TTC28: variants seen among roughly 807,000 people sequenced by gnomAD.
TTC28 encodes the protein tetratricopeptide repeat domain 28, also known as tetratricopeptide repeat protein 28.
In TTC28, 61 loss-of-function variants were observed where a neutral mutation model predicts 198.0. The observed-to-expected ratio is 0.31, with a 90% CI of 0.25 to 0.38. The LOEUF (loss-of-function observed/expected upper bound fraction) is 0.38, where lower values mean the gene tolerates loss of function less well. Among genes scored for constraint, TTC28 ranks in the 10% least tolerant of loss-of-function variants. TTC28 has a pLI of 1.00. For missense variants in TTC28, 2,678 were observed against 3,164.0 expected, an observed-to-expected ratio of 0.85 and a Z score of 3.69; for synonymous variants, 1,171 against 1,297.8, an observed-to-expected ratio of 0.90 and a Z score of 2.10.
At chr22:28,528,665 A>G (rs2049061732) in intron 2 of TTC28, among the ~76,000 whole-genome samples, 1 of 150,566 alleles carries the variant, frequency 6.6e-6, no homozygotes, top group African/African-American at 2.4e-5. Flanking sequence ...GAACCCAGGA[A>G]GCGGAGGTTA....
At chr22:28,250,100 A>G (rs181424548) in intron 5 of TTC28, among the ~76,000 whole-genome samples, 2 of 152,318 alleles carry the variant, frequency 1.3e-5, no homozygotes. Flanking sequence ...TACATAAACC[A>G]TTTTCAATAT....
chr22:28,246,106 C>T (rs1272179360), intron 5 of TTC28, among the ~76,000 whole-genome samples: 2 of 152,082 alleles, frequency 1.3e-5, no homozygotes, highest in Non-Finnish European at 2.9e-5. Flanking sequence ...CTTTAAGAGC[C>T]CAACATCGTC....
chr22:28,647,143 C>T (rs56938580), intron 1 of TTC28, among the ~76,000 whole-genome samples: 3 of 152,132 alleles, frequency 2.0e-5, no homozygotes, highest in Non-Finnish European at 4.4e-5. Flanking sequence ...AGAGGACACC[C>T]TATTTGGTAT....
chr22:28,316,570 T>C (rs2045355639), intron 2 of TTC28, among the ~76,000 whole-genome samples: 1 of 152,206 alleles, frequency 6.6e-6, no homozygotes, highest in African/African-American at 2.4e-5. Flanking sequence ...AGTCTTTCAG[T>C]TCATAAACAG....
At chr22:28,635,060 G>A (rs1416637004) in intron 1 of TTC28, among the ~76,000 whole-genome samples, 5 of 152,172 alleles carry the variant, frequency 3.3e-5, no homozygotes, top group African/African-American at 7.2e-5. Context: ...GGTGGCTCAC[G>A]CCTGTAATCC....
At chr22:27,984,174 C>T (rs1402114557) in intron 22 of TTC28, among the ~76,000 whole-genome samples, 1 of 152,046 alleles carries the variant, frequency 6.6e-6, no homozygotes, top group Non-Finnish European at 1.5e-5. Context: ...CAGGGCTGGC[C>T]GTGCTCCTGG....
chr22:28,327,734 GTGTAGGGGCCTAC>G (rs1369288985), intron 2 of TTC28, among the ~76,000 whole-genome samples: 3 of 152,212 alleles, frequency 2.0e-5, no homozygotes, highest in Non-Finnish European at 4.4e-5. Context: ...AGTGGCAAAT[GTGTAGGGGCCTAC>G]TGTTCACTGC....
intron 2 of TTC28, among the ~76,000 whole-genome samples, chr22:28,539,882 C>T (rs1391109329): frequency 1.3e-5 from 2 of 150,222 alleles, no homozygotes; most frequent in Non-Finnish European, 2.9e-5. Flanking sequence ...TGTGGCTCTG[C>T]AGCCTGTATA....
intron 2 of TTC28, among the ~76,000 whole-genome samples, chr22:28,522,667 C>T (rs924324446): frequency 3.3e-5 from 5 of 151,948 alleles, no homozygotes; most frequent in Non-Finnish European, 7.4e-5. Flanking sequence ...CAATAATGAA[C>T]TGAAGCACAG....
chr22:28,392,384 T>C (rs557912052), intron 2 of TTC28, among the ~76,000 whole-genome samples: 21 of 151,294 alleles, frequency 1.4e-4, no homozygotes, highest in African/African-American at 4.4e-4. Context: ...TTCGAGCTTC[T>C]GGGCTGCTTT....
At chr22:28,449,651 G>C (rs1362118413) in intron 2 of TTC28, among the ~76,000 whole-genome samples, 1 of 152,184 alleles carries the variant, frequency 6.6e-6, no homozygotes, top group African/African-American at 2.4e-5. Context: ...TGATGAGCCA[G>C]AACAAGATTT....
At chr22:28,276,835 C>T (rs1569235189) in intron 5 of TTC28, among the ~76,000 whole-genome samples, 1 of 152,120 alleles carries the variant, frequency 6.6e-6, no homozygotes, top group Non-Finnish European at 1.5e-5. Flanking sequence ...AAATTCTGAT[C>T]AACATAGTTA....
In TTC28 at chr22:27,998,261, G is replaced by A. The variant is rs117344670; in HGVS notation, c.5119+279C>T. On this transcript the variant is annotated intron_variant, in intron 16 of 22. Transcript: ENST00000397906. Reference sequence around the variant, plus strand: ...TCATGGGTTAAATGAGGGTGCCATGGAATGGGTCATCCAGTGTACACTGAC... The same window carrying A: ...TCATGGGTTAAATGAGGGTGCCATGAAATGGGTCATCCAGTGTACACTGAC... The A allele has an allele frequency of 1.7e-4, 89 of 530,810 alleles. 1 individual carries two copies. In the East Asian group the frequency reaches 2.8e-3, roughly 17 times the overall value. The allele number at this position is 530,810 out of a possible 1,614,324, so 32.9% of individuals were successfully genotyped here. A position where few individuals can be genotyped will look rare whatever the true frequency, so the allele number is the denominator to read the frequency against.
At chr22:28,208,461 C>T (rs1397746886) in intron 5 of TTC28, among the ~76,000 whole-genome samples, 7 of 152,058 alleles carry the variant, frequency 4.6e-5, no homozygotes, top group East Asian at 1.9e-4. Context: ...AGGTTCAAGC[C>T]CCAGCTCTAA....
chr22:28,198,915 A>C (rs896590461), intron 5 of TTC28, among the ~76,000 whole-genome samples: 3 of 152,152 alleles, frequency 2.0e-5, no homozygotes, highest in Non-Finnish European at 4.4e-5. Flanking sequence ...ACAGGCCACA[A>C]GTACCTGCAA....
chr22:27,984,783 C>T (rs1569066375), intron 22 of TTC28, among the ~76,000 whole-genome samples: 1 of 152,224 alleles, frequency 6.6e-6, no homozygotes, highest in Non-Finnish European at 1.5e-5. Flanking sequence ...TCAGCAGACT[C>T]CGTTGGTTCC....
intron 1 of TTC28, among the ~76,000 whole-genome samples, chr22:28,660,606 C>T (rs1418993610): frequency 6.6e-6 from 1 of 152,202 alleles, no homozygotes; most frequent in East Asian, 1.9e-4. Flanking sequence ...TCACTGCAAC[C>T]TCCACCTCCT....
chr22:28,099,285 A>C (rs187687602), intron 9 of TTC28, among the ~76,000 whole-genome samples: 2 of 152,166 alleles, frequency 1.3e-5, no homozygotes, highest in African/African-American at 4.8e-5. Flanking sequence ...TCACAACTCC[A>C]CTCATCATGT....
intron 5 of TTC28, among the ~76,000 whole-genome samples, chr22:28,289,618 AG>A (rs1269682631): frequency 8.9e-4 from 135 of 152,338 alleles, no homozygotes; most frequent in Non-Finnish European, 4.4e-5. Context: ...GGACTGCCTG[AG>A]GCCAGGAGTT....
Sources: allele counts gnomAD v4.1 joint callset (sites outside exome capture counted in the v4.1 genomes callset), GRCh38; gene constraint gnomAD v4.1.1; transcripts MANE v1.5; gene names NCBI Gene and HGNC (gene_info 2026-07-23, HGNC 2026-07-21).